Variants in CCDC192 observed in about 807,000 individuals in gnomAD.
The protein encoded by CCDC192 is coiled-coil domain-containing protein 192.
At chr5:127,834,972 A>C (rs1446189348) in intron 5 of CCDC192, among the ~76,000 whole-genome samples, 1 of 152,220 alleles carries the variant, frequency 6.6e-6, no homozygotes. Context: ...GAAAATATTA[A>C]AATGAAATGG....
intron 5 of CCDC192, among the ~76,000 whole-genome samples, chr5:127,828,199 G>A (rs1749625793): frequency 2.0e-5 from 3 of 152,138 alleles, no homozygotes; most frequent in South Asian, 2.1e-4. Flanking sequence ...GAGCCACCAC[G>A]CCTGGCAATT....
At chr5:127,868,842 G>A (rs373507935) in intron 5 of CCDC192, among the ~76,000 whole-genome samples, 36 of 152,230 alleles carry the variant, frequency 2.4e-4, no homozygotes, top group African/African-American at 8.7e-4. Flanking sequence ...CACAATGTAG[G>A]ACACTGGGTA....
intron 3 of CCDC192, chr5:127,786,736 T>G (rs1429581815): frequency 1.4e-6 from 1 of 712,888 alleles, no homozygotes; most frequent in Non-Finnish European, 2.6e-6. Context: ...TCTCCATGCT[T>G]AAGAAGACTT....
chr5:127,840,581 T>G (rs1278923340), intron 5 of CCDC192, among the ~76,000 whole-genome samples: 1 of 151,090 alleles, frequency 6.6e-6, no homozygotes, highest in Non-Finnish European at 1.5e-5. Flanking sequence ...AATGAAGGTG[T>G]GGTAAAATTA....
chr5:127,880,042 G>A (rs1334073198), intron 6 of CCDC192, among the ~76,000 whole-genome samples: 1 of 152,098 alleles, frequency 6.6e-6, no homozygotes, highest in Non-Finnish European at 1.5e-5. Flanking sequence ...ATTCCTCAGG[G>A]ATCTAGAACT....
intron 5 of CCDC192, among the ~76,000 whole-genome samples, chr5:127,810,439 G>C (rs1758017300): frequency 6.6e-6 from 1 of 152,142 alleles, no homozygotes; most frequent in Non-Finnish European, 1.5e-5. Context: ...ACTCAGTCAT[G>C]AGACCACATT....
At chr5:127,755,680 CAA>C (rs35162424) in intron 3 of CCDC192, among the ~76,000 whole-genome samples, 3 of 113,540 alleles carry the variant, frequency 2.6e-5, no homozygotes, top group African/African-American at 3.3e-5. Flanking sequence ...CATTTCAAAG[CAA>C]AAAAAAAAAA....
chr5:127,767,543 CT>C, intron 3 of CCDC192, among the ~76,000 whole-genome samples: 1 of 152,108 alleles, frequency 6.6e-6, no homozygotes. Flanking sequence ...AATATTATTG[CT>C]TTTTGACCTT....
chr5:127,812,084 T>C (rs1225830549), intron 5 of CCDC192, among the ~76,000 whole-genome samples: 2 of 152,178 alleles, frequency 1.3e-5, no homozygotes, highest in Non-Finnish European at 2.9e-5. Flanking sequence ...GACTGCAAAA[T>C]GGGGATACTA....
At chr5:127,727,628 C>T (rs1752407456) in intron 2 of CCDC192, among the ~76,000 whole-genome samples, 1 of 152,158 alleles carries the variant, frequency 6.6e-6, no homozygotes, top group Non-Finnish European at 1.5e-5. Context: ...GCCAGAGTGC[C>T]TCTTCTGCTC....
chr5:127,888,207 G>A (rs1752627033), intron 6 of CCDC192, among the ~76,000 whole-genome samples: 1 of 151,894 alleles, frequency 6.6e-6, no homozygotes, highest in Non-Finnish European at 1.5e-5. Context: ...CTTGAAGTCA[G>A]GGGTTCGAAA....
At chr5:127,752,317 G>T (rs1047410277) in intron 2 of CCDC192, among the ~76,000 whole-genome samples, 1 of 152,144 alleles carries the variant, frequency 6.6e-6, no homozygotes, top group Non-Finnish European at 1.5e-5. Flanking sequence ...CTGTTTGTTA[G>T]TTTTCCTTCT....
At chr5:127,751,351 T>C (rs923173501) in intron 2 of CCDC192, among the ~76,000 whole-genome samples, 1 of 152,000 alleles carries the variant, frequency 6.6e-6, no homozygotes, top group Admixed American at 6.5e-5. Context: ...CTGTAAAGTA[T>C]TTTATTTCTC....
At chr5:127,732,091 A>G (rs1000917684) in intron 2 of CCDC192, among the ~76,000 whole-genome samples, 2 of 152,148 alleles carry the variant, frequency 1.3e-5, no homozygotes, top group East Asian at 1.9e-4. Flanking sequence ...ATTTTTTGCA[A>G]TCTATTCATC....
intron 5 of CCDC192, among the ~76,000 whole-genome samples, chr5:127,821,384 A>G (rs1005867857): frequency 6.6e-6 from 1 of 152,234 alleles, no homozygotes; most frequent in Admixed American, 6.5e-5. Context: ...GGAGAAACTC[A>G]TCTAGGGGAC....
At chr5:127,753,826 T>C (rs1355574762) in intron 2 of CCDC192, among the ~76,000 whole-genome samples, 3 of 152,184 alleles carry the variant, frequency 2.0e-5, no homozygotes, top group African/African-American at 7.2e-5. Context: ...TGACATATGC[T>C]AAGAAGGTGA....
At chr5:127,902,743 G>C (rs1385051387) in intron 6 of CCDC192, among the ~76,000 whole-genome samples, 8 of 152,130 alleles carry the variant, frequency 5.3e-5, no homozygotes, top group Non-Finnish European at 1.5e-5. Flanking sequence ...TAACCTCCTG[G>C]GCAATTAGCA....
chr5:127,867,377 G>T (rs1484052818), intron 5 of CCDC192, among the ~76,000 whole-genome samples: 4 of 152,170 alleles, frequency 2.6e-5, no homozygotes, highest in African/African-American at 9.6e-5. Context: ...CATGTTAGAA[G>T]AGCTTAGCAG....
intron 5 of CCDC192, among the ~76,000 whole-genome samples, chr5:127,825,779 C>T (rs1057053960): frequency 2.6e-5 from 4 of 152,212 alleles, no homozygotes; most frequent in Non-Finnish European, 5.9e-5. Flanking sequence ...ATTTGAGGCT[C>T]ATCAACTAAA....
Sources: allele counts gnomAD v4.1 joint callset (sites outside exome capture counted in the v4.1 genomes callset), GRCh38; gene constraint gnomAD v4.1.1; transcripts MANE v1.5; gene names NCBI Gene and HGNC (gene_info 2026-07-23, HGNC 2026-07-21).